NPR3: variants seen among roughly 807,000 people sequenced by gnomAD.
The protein encoded by NPR3 is atrial natriuretic peptide receptor 3.
Under a neutral mutation model 54.5 loss-of-function variants are expected in NPR3, and 34 were observed. The ratio of observed to expected loss-of-function variants is 0.62; its 90% CI spans 0.47 to 0.83. The LOEUF (loss-of-function observed/expected upper bound fraction) is 0.83, where lower values mean the gene tolerates loss of function less well. Among genes scored for constraint, NPR3 ranks in the 40% least tolerant of loss-of-function variants. NPR3 has a pLI of 0.00. For synonymous variants in NPR3, 289 were observed against 297.1 expected (o/e 0.97, Z 0.28); for missense variants, 674 against 720.8 (o/e 0.94, Z 0.74).
intron 2 of NPR3, among the ~76,000 whole-genome samples, chr5:32,733,025 A>G (rs992368787): frequency 6.6e-6 from 1 of 151,986 alleles, no homozygotes; most frequent in African/African-American, 2.4e-5. Flanking sequence ...TTGTATTTTT[A>G]GTAGAGATGG....
intron 1 of NPR3, among the ~76,000 whole-genome samples, chr5:32,712,784 C>G (rs1348159261): frequency 6.6e-6 from 1 of 152,232 alleles, no homozygotes; most frequent in African/African-American, 2.4e-5. Flanking sequence ...GTCTGTAGCT[C>G]CTGCGTGCCC....
At chr5:32,719,031 A>G (rs1340566832) in intron 1 of NPR3, among the ~76,000 whole-genome samples, 4 of 152,202 alleles carry the variant, frequency 2.6e-5, no homozygotes, top group South Asian at 2.1e-4. Flanking sequence ...CATTCCATCA[A>G]TACCTAGTTT....
At position 32,789,588 on chromosome 5, in the gene NPR3, G is replaced by A. The variant is rs763076119; in HGVS notation, c.*3243G>A. 1 of 534,674 alleles carries A rather than the reference G, an allele frequency of 1.9e-6. No individual in the cohort carries two copies. Among genetic ancestry groups the A allele is most frequent in the South Asian group, 1.4e-5 (1 of 71,584 alleles). 33.1% of individuals were successfully genotyped at this position (534,674 alleles called of 1,614,324 possible). A position where few individuals can be genotyped will look rare whatever the true frequency, so the allele number is the denominator to read the frequency against. On this transcript the variant is annotated 3_prime_UTR_variant, in exon 8 of 8. Coordinates refer to ENST00000265074, the MANE Select transcript of NPR3 (RefSeq NM_001204375.2). ...TTTTCTCCTTTCTCTTAAATTCAAAGACGTTTGCTTTGGAATGCCCTCACT... is the reference window on the plus strand; with the variant it reads ...TTTTCTCCTTTCTCTTAAATTCAAAAACGTTTGCTTTGGAATGCCCTCACT...
At chr5:32,766,459 C>T (rs1470926256) in intron 3 of NPR3, among the ~76,000 whole-genome samples, 1 of 152,208 alleles carries the variant, frequency 6.6e-6, no homozygotes, top group South Asian at 2.1e-4. Context: ...GTTACCAAGA[C>T]AGCAATGTCT....
At chr5:32,712,997 G>C (rs1738344852) in intron 1 of NPR3, 1 of 189,302 alleles carries the variant, frequency 5.3e-6, no homozygotes, top group Non-Finnish European at 9.8e-6. Context: ...CGGACGCCTC[G>C]CAGCGAGGCG....
intron 3 of NPR3, among the ~76,000 whole-genome samples, chr5:32,767,424 C>G (rs1304552771): frequency 6.6e-6 from 1 of 152,246 alleles, no homozygotes; most frequent in Non-Finnish European, 1.5e-5. Context: ...GCTATGTTTA[C>G]ATAACTCCTA....
At chr5:32,763,364 G>A (rs1436933139) in intron 3 of NPR3, among the ~76,000 whole-genome samples, 1 of 151,960 alleles carries the variant, frequency 6.6e-6, no homozygotes, top group African/African-American at 2.4e-5. Flanking sequence ...CCAGGCTAGA[G>A]TGCAGTGGCA....
Position 32,788,406 on chromosome 5 carries a change from T to C in NPR3, c.*2061T>C, listed in dbSNP as rs918154190. 6.6e-6 allele frequency: 1 copy of C among 152,246 alleles called. No individual in the cohort carries two copies. The highest frequency in any genetic ancestry group is 1.5e-5 in the Non-Finnish European group (1 of 68,046). 9.4% of individuals were successfully genotyped at this position (152,246 alleles called of 1,614,324 possible). ...CCCAAAGTGAAACAGCAAGGAAGGA[T>C]TGTGTCCATCTTACTTACTTGAATT... On this transcript the variant is annotated 3_prime_UTR_variant, in exon 8 of 8. Coordinates refer to ENST00000265074, the MANE Select transcript of NPR3 (RefSeq NM_001204375.2).
chr5:32,784,738 G>C, intron 6 of NPR3, 58 bp from the exon 7 acceptor site: 2 of 1,338,772 alleles, frequency 1.5e-6, no homozygotes, highest in Non-Finnish European at 2.1e-6. Context: ...AATGAAACTC[G>C]AGGCATTTCT....
intron 2 of NPR3, among the ~76,000 whole-genome samples, chr5:32,728,360 G>A (rs1350119188): frequency 6.6e-6 from 1 of 152,042 alleles, no homozygotes; most frequent in Non-Finnish European, 1.5e-5. Context: ...CTACTTGGGA[G>A]GCTGAGGCAC....
intron 3 of NPR3, among the ~76,000 whole-genome samples, chr5:32,752,314 T>C (rs1416618160): frequency 6.6e-6 from 1 of 152,188 alleles, no homozygotes; most frequent in Non-Finnish European, 1.5e-5. Context: ...TGACGTTATT[T>C]GAAAAGTTAT....
At chr5:32,750,836 T>C (rs1181527306) in intron 3 of NPR3, among the ~76,000 whole-genome samples, 1 of 152,194 alleles carries the variant, frequency 6.6e-6, no homozygotes, top group Non-Finnish European at 1.5e-5. Flanking sequence ...CTGACTTCTG[T>C]GGTTCTTTAA....
At chr5:32,718,789 T>A (rs910924837) in intron 1 of NPR3, among the ~76,000 whole-genome samples, 2 of 152,238 alleles carry the variant, frequency 1.3e-5, no homozygotes, top group African/African-American at 4.8e-5. Context: ...TCATGTCATC[T>A]GCAAACAGGG....
At chr5:32,762,118 G>A (rs1741203309) in intron 3 of NPR3, among the ~76,000 whole-genome samples, 1 of 152,098 alleles carries the variant, frequency 6.6e-6, no homozygotes, top group Non-Finnish European at 1.5e-5. Context: ...CAAAGGACAT[G>A]AACTCATCCT....
intron 1 of NPR3, among the ~76,000 whole-genome samples, chr5:32,719,691 A>G (rs1261753384): frequency 1.3e-5 from 2 of 149,396 alleles, no homozygotes; most frequent in Non-Finnish European, 3.0e-5. Context: ...CATTTTCTCT[A>G]TTTCCTATTT....
rs1014959976 is a variant in NPR3 at position 32,787,198 on chromosome 5, CT to C, written c.*858del. ...ACCAATAATGATAAAAAATACTTCT[CT>C]TTTTCTCCCTGTTTCCCTTTTTCCC... On this transcript the variant is annotated 3_prime_UTR_variant, in exon 8 of 8. Coordinates refer to ENST00000265074, the MANE Select transcript of NPR3 (RefSeq NM_001204375.2). 6.6e-6 allele frequency: 1 copy of C among 152,556 alleles called. No homozygotes were observed. Among genetic ancestry groups the C allele is most frequent in the Non-Finnish European group, 1.5e-5 (1 of 68,020 alleles). 9.5% of individuals were successfully genotyped at this position (152,556 alleles called of 1,614,324 possible).
intron 3 of NPR3, among the ~76,000 whole-genome samples, chr5:32,755,336 G>T (rs1437983476): frequency 6.6e-6 from 1 of 152,190 alleles, no homozygotes; most frequent in Non-Finnish European, 1.5e-5. Flanking sequence ...GGATTAAACA[G>T]ATTTCAGATG....
chr5:32,757,415 G>A (rs1271567478), intron 3 of NPR3, among the ~76,000 whole-genome samples: 2 of 152,180 alleles, frequency 1.3e-5, no homozygotes, highest in Non-Finnish European at 2.9e-5. Context: ...TGTTATTGGT[G>A]TATAAGAATG....
chr5:32,780,798 G>T lies in NPR3; in HGVS notation c.1272G>T (p.Val424=). The T allele has an allele frequency of 6.3e-7, 1 of 1,576,870 alleles. No homozygotes were observed. The highest frequency in any genetic ancestry group is 8.7e-7 in the Non-Finnish European group (1 of 1,146,220). ...GDFSVIAMTD[V]EAGTQEVIGD... The stretch of plus-strand genomic sequence containing the variant: ...TCTCTGTGATTGCCATGACTGATGT[G>T]GAGGCGGGCACCCAGGAGGTGAGCA... Residue 424 remains valine (V), a synonymous_variant, in exon 5 of 8, where the codon GTG becomes GTT. Coordinates refer to ENST00000265074, the MANE Select transcript of NPR3 (RefSeq NM_001204375.2).
Sources: gnomAD v4.1 joint callset for allele counts (sites outside exome capture counted in the v4.1 genomes callset) on GRCh38, gnomAD v4.1.1 for gene constraint, MANE v1.5 for transcripts, NCBI Gene and HGNC (gene_info 2026-07-23, HGNC 2026-07-21) for gene names.